Variants in C5orf52 observed in about 807,000 individuals in gnomAD.
C5orf52 encodes chromosome 5 open reading frame 52, also known as uncharacterized protein C5orf52.
Under a neutral mutation model 16.8 loss-of-function variants are expected in C5orf52, and 15 were observed. The observed-to-expected ratio is 0.89, with a 90% CI of 0.60 to 1.38. The LOEUF is 1.38. Ranked by LOEUF, C5orf52 falls within the 40% of genes most tolerant of loss-of-function variation. The probability of loss-of-function intolerance (pLI) is 0.00; values close to 1 mark genes in which losing one functional copy is unlikely to be tolerated. For missense variants in C5orf52, 206 were observed against 213.1 expected, an observed-to-expected ratio of 0.97 and a Z score of 0.21; for synonymous variants, 83 against 87.2, an observed-to-expected ratio of 0.95 and a Z score of 0.27.
chr5:157,675,336 A>G (rs1191686572), intron 2 of C5orf52, 136 bp downstream of exon 2: 22 of 595,472 alleles, frequency 3.7e-5, no homozygotes, highest in Non-Finnish European at 4.4e-5. Context: ...CCCATTTTAC[A>G]GAGGAGGCAA....
chr5:157,672,313 T>C (rs1388853257), intron 1 of C5orf52, among the ~76,000 whole-genome samples: 1 of 151,944 alleles, frequency 6.6e-6, no homozygotes, highest in Non-Finnish European at 1.5e-5. Context: ...CAAACCCCAA[T>C]TACCCGCGCT....
chr5:157,679,542 G>A (rs1445793774), intron 2 of C5orf52, among the ~76,000 whole-genome samples: 1 of 152,144 alleles, frequency 6.6e-6, no homozygotes. Context: ...TCACCTTGTT[G>A]GCCAGGCTGC....
chr5:157,673,147 G>T (rs925648094), intron 1 of C5orf52, among the ~76,000 whole-genome samples: 4 of 151,926 alleles, frequency 2.6e-5, no homozygotes, highest in Middle Eastern at 3.2e-3. Flanking sequence ...AGACCAGTCA[G>T]GTCAACATGG....
chr5:157,680,100 A>G lies in C5orf52; in HGVS notation c.*101A>G. ...TGTGACCCGAGGAGAACTAGTAACT[A>G]CAACCTACACAACTGTAGAACAATA... On this transcript the variant is annotated 3_prime_UTR_variant, in exon 3 of 3. Transcript: ENST00000409999. 2 of 992,860 alleles carry G rather than the reference A, an allele frequency of 2.0e-6. No individual in the cohort carries two copies. Among genetic ancestry groups the G allele is most frequent in the South Asian group, 3.4e-5 (2 of 58,256 alleles). The allele number at this position is 992,860 out of a possible 1,614,324, so 61.5% of individuals were successfully genotyped here. A position where few individuals can be genotyped will look rare whatever the true frequency, so the allele number is the denominator to read the frequency against.
chr5:157,673,975 C>G (rs1759848381), intron 1 of C5orf52, among the ~76,000 whole-genome samples: 1 of 152,124 alleles, frequency 6.6e-6, no homozygotes, highest in East Asian at 1.9e-4. Context: ...TGGACAAAAC[C>G]ATTTAAAGAT....
chr5:157,676,862 TTTTTTTTTC>T (rs376687075), intron 2 of C5orf52, among the ~76,000 whole-genome samples: 22,649 of 91,836 alleles, frequency 0.25, 1,804 homozygotes, highest in African/African-American at 0.5. Flanking sequence ...TTTAATTTCC[TTTTTTTTTC>T]TTTTTTTTTT....
intron 2 of C5orf52, among the ~76,000 whole-genome samples, chr5:157,676,032 T>G (rs1291172488): frequency 6.6e-6 from 1 of 152,082 alleles, no homozygotes; most frequent in South Asian, 2.1e-4. Flanking sequence ...AACACACTCA[T>G]TCTTTCAAGC....
At chr5:157,672,271 C>A (rs572245943) in intron 1 of C5orf52, among the ~76,000 whole-genome samples, 2 of 152,088 alleles carry the variant, frequency 1.3e-5, no homozygotes, top group South Asian at 2.1e-4. Flanking sequence ...CTGGAAAAAA[C>A]CCCAGTTCCC....
chr5:157,676,363 A>C (rs1036164525), intron 2 of C5orf52, among the ~76,000 whole-genome samples: 2 of 152,072 alleles, frequency 1.3e-5, no homozygotes, highest in Admixed American at 1.3e-4. Context: ...GTGAGCCACC[A>C]CGCACAGCTG....
chr5:157,675,117 A>G lies in C5orf52; in HGVS notation c.238A>G (p.Met80Val). 1 of 1,551,460 alleles carries G rather than the reference A, an allele frequency of 6.4e-7. No individual in the cohort carries two copies. ...FSLMNSSEAA[M>V]KKTLPKSHLS... ...CTTAATGAATTCCAGTGAAGCAGCG[A>G]TGAAAAAAACTTTACCCAAGAGCCA... The change falls in exon 2 of 3, where the codon ATG (methionine) becomes GTG (valine). Residue 80 changes from methionine to valine, a missense_variant. Physicochemically the swap from Met to Val is conservative, Grantham distance 21. Transcript: ENST00000409999.
At chr5:157,673,230 G>A (rs1201348395) in intron 1 of C5orf52, among the ~76,000 whole-genome samples, 2 of 151,940 alleles carry the variant, frequency 1.3e-5, no homozygotes, top group Non-Finnish European at 2.9e-5. Flanking sequence ...CCAGTTACTC[G>A]GGAGCCTGAG....
At chr5:157,672,951 C>T (rs558181422) in intron 1 of C5orf52, among the ~76,000 whole-genome samples, 9 of 152,004 alleles carry the variant, frequency 5.9e-5, no homozygotes, top group South Asian at 4.2e-4. Flanking sequence ...CCACTGCACC[C>T]GGCATCAGTT....
At position 157,671,564 on chromosome 5, in the gene C5orf52, G is replaced by C; in HGVS notation, c.-51G>C. 6.7e-7 allele frequency: 1 copy of C among 1,483,240 alleles called. No homozygotes were observed. Among genetic ancestry groups the C allele is most frequent in the Non-Finnish European group, 9.1e-7 (1 of 1,101,346 alleles). The allele number at this position is 1,483,240 out of a possible 1,614,324, so 91.9% of individuals were successfully genotyped here. A position where few individuals can be genotyped will look rare whatever the true frequency, so the allele number is the denominator to read the frequency against. On this transcript the variant is annotated 5_prime_UTR_variant, in exon 1 of 3. Coordinates refer to ENST00000409999, the MANE Select transcript of C5orf52 (RefSeq NM_001145132.2). ...CGTCAGCGCGCGCCCACCTAGGTGG[G>C]CTGGCAACCAGCCACCAGTTTCCAA...
At chr5:157,675,985 C>T (rs975685394) in intron 2 of C5orf52, among the ~76,000 whole-genome samples, 32 of 152,016 alleles carry the variant, frequency 2.1e-4, no homozygotes, top group African/African-American at 7.5e-4. Context: ...CTGTGTTGGG[C>T]GCTAGGAAGA....
rs138366891 is a variant in C5orf52 at position 157,679,414 on chromosome 5, G to A, written c.322-427G>A. Among the ~76,000 whole-genome samples the A allele has an allele frequency of 1.2e-3, 189 of 152,220 alleles. 1 individual carries two copies. In the East Asian group the frequency reaches 0.015, roughly 12 times the overall value. Reference sequence around the variant, plus strand: ...TGCTGTGGTGCGGTCTCGGCTTACTGCAGCCTCCACCTCCTGGGTTCAAGC... The same window carrying A: ...TGCTGTGGTGCGGTCTCGGCTTACTACAGCCTCCACCTCCTGGGTTCAAGC... On this transcript the variant is annotated intron_variant, in intron 2 of 2. Transcript: ENST00000409999.
upstream of C5orf52, chr5:157,671,454 C>T (rs766214746): frequency 1.9e-5 from 12 of 624,542 alleles, no homozygotes; most frequent in Non-Finnish European, 3.4e-5. Flanking sequence ...GTCCAACAGC[C>T]CCCGTCCCCT....
Position 157,679,296 on chromosome 5 carries a change from C to T in C5orf52, c.322-545C>T, listed in dbSNP as rs372739153. 1.1e-4 allele frequency among the ~76,000 whole-genome samples: 17 copies of T among 151,982 alleles called. 1 individual carries two copies. The East Asian group carries it at 1.9e-3, about 17-fold the overall frequency. ...AGGATGTTGGCTTCCCACACCTTAC[C>T]GCCTTTTGGGGGACAGGACAGAAGT... On this transcript the variant is annotated intron_variant, in intron 2 of 2. Transcript: ENST00000409999.
rs147419919 is a variant in C5orf52 at position 157,679,732 on chromosome 5, A to G, written c.322-109A>G. On this transcript the variant is annotated intron_variant, in intron 2 of 2. Coordinates refer to ENST00000409999, the MANE Select transcript of C5orf52 (RefSeq NM_001145132.2). ...GGAATGTACATAGGGTCCAGCTGAC[A>G]CTTTTCCCACTCCCCCATCAGTAGC... 2.3e-3 allele frequency: 2,350 copies of G among 1,041,202 alleles called. 20 individuals carry two copies. The highest frequency in any genetic ancestry group is 0.018 in the African/African-American group (1,138 of 61,774). The allele number at this position is 1,041,202 out of a possible 1,614,324, so 64.5% of individuals were successfully genotyped here.
intron 2 of C5orf52, among the ~76,000 whole-genome samples, chr5:157,678,171 G>A (rs916946589): frequency 2.6e-5 from 4 of 152,254 alleles, no homozygotes; most frequent in African/African-American, 9.6e-5. Flanking sequence ...TGCTCAGCCA[G>A]GTTTGGAGAA....
Sources: allele counts gnomAD v4.1 joint callset (sites outside exome capture counted in the v4.1 genomes callset), GRCh38; gene constraint gnomAD v4.1.1; transcripts MANE v1.5; gene names NCBI Gene and HGNC (gene_info 2026-07-23, HGNC 2026-07-21).